PAK5: variants seen among roughly 807,000 people sequenced by gnomAD.
PAK5 encodes the protein p21 (RAC1) activated kinase 5.
Under a neutral mutation model 65.9 loss-of-function variants are expected in PAK5, and 16 were observed. The observed-to-expected ratio is 0.24, with a 90% confidence interval of 0.16 to 0.37. The LOEUF is 0.37. Ranked by LOEUF, PAK5 falls within the 10% of genes least tolerant of loss-of-function variation. PAK5 has a pLI of 1.00. For missense variants in PAK5, 785 were observed against 903.9 expected (o/e 0.87, Z 1.69); for synonymous variants, 371 against 354.9 (o/e 1.05, Z -0.51).
chr20:9,666,283 C>T (rs995056342), intron 2 of PAK5, among the ~76,000 whole-genome samples: 5 of 151,644 alleles, frequency 3.3e-5, no homozygotes, highest in Non-Finnish European at 7.4e-5. Flanking sequence ...ATGATATAGC[C>T]TCCTGACTGC....
chr20:9,767,692 C>A (rs1005369155), intron 1 of PAK5, among the ~76,000 whole-genome samples: 2 of 152,146 alleles, frequency 1.3e-5, no homozygotes, highest in Non-Finnish European at 1.5e-5. Context: ...TCTTCAGTCA[C>A]CCCCTTGCCT....
At chr20:9,822,231 G>A (rs1314179718) in intron 1 of PAK5, among the ~76,000 whole-genome samples, 1 of 148,980 alleles carries the variant, frequency 6.7e-6, no homozygotes, top group Non-Finnish European at 1.5e-5. Context: ...AGAGGTTGCA[G>A]TGAGCTGAGA....
chr20:9,629,269 A>G (rs1302564305), intron 3 of PAK5, among the ~76,000 whole-genome samples: 4 of 152,202 alleles, frequency 2.6e-5, no homozygotes, highest in East Asian at 3.8e-4. Context: ...TGTTATATTT[A>G]TGGTAATTTG....
intron 7 of PAK5, among the ~76,000 whole-genome samples, chr20:9,546,757 C>T (rs1172860923): frequency 6.6e-6 from 1 of 152,142 alleles, no homozygotes; most frequent in African/African-American, 2.4e-5. Context: ...GCAATGAGGG[C>T]ATCCCTAGTA....
chr20:9,815,743 A>T (rs934901697), intron 1 of PAK5, among the ~76,000 whole-genome samples: 1 of 152,124 alleles, frequency 6.6e-6, no homozygotes, highest in Non-Finnish European at 1.5e-5. Flanking sequence ...TCTTCTGCTT[A>T]TTAAAATGGT....
rs115902295 is a variant in PAK5 at position 9,588,092 on chromosome 20, T to C, written c.205-7162A>G. Among the ~76,000 whole-genome samples, 308 of 152,312 alleles carry C rather than the reference T, an allele frequency of 2.0e-3. 2 individuals carry two copies. Among genetic ancestry groups the C allele is most frequent in the African/African-American group, 6.9e-3 (287 of 41,590 alleles). ...GATGACTTCCATTTATTTCACCATT[T>C]TGGTACACCTGCTTCTTTAGCACCA... On this transcript the variant is annotated intron_variant, in intron 3 of 9. Transcript: ENST00000353224.
At chr20:9,631,238 T>C (rs1355334479) in intron 3 of PAK5, among the ~76,000 whole-genome samples, 1 of 152,144 alleles carries the variant, frequency 6.6e-6, no homozygotes, top group Non-Finnish European at 1.5e-5. Flanking sequence ...TCCATGAGTG[T>C]AGGCAGGATC....
intron 1 of PAK5, among the ~76,000 whole-genome samples, chr20:9,786,001 C>T (rs2048989038): frequency 6.6e-6 from 1 of 152,090 alleles, no homozygotes; most frequent in African/African-American, 2.4e-5. Flanking sequence ...TCACGCTTCC[C>T]ATCTGTCCAT....
At chr20:9,773,387 C>A (rs927551211) in intron 1 of PAK5, among the ~76,000 whole-genome samples, 1 of 152,118 alleles carries the variant, frequency 6.6e-6, no homozygotes, top group African/African-American at 2.4e-5. Flanking sequence ...ATCCCTCCCC[C>A]TTCCCCCGAC....
chr20:9,795,623 C>T (rs1056238450), intron 1 of PAK5, among the ~76,000 whole-genome samples: 7 of 152,056 alleles, frequency 4.6e-5, no homozygotes, highest in African/African-American at 1.2e-4. Context: ...AATGAACATA[C>T]GTAATGTTTT....
chr20:9,784,621 G>A (rs140087409), intron 1 of PAK5: 2 of 152,004 alleles, frequency 1.3e-5, no homozygotes, highest in South Asian at 2.1e-4. Context: ...TTCAGTTGGA[G>A]AAGCCAAGTC....
intron 3 of PAK5, among the ~76,000 whole-genome samples, chr20:9,594,713 A>G (rs1443873738): frequency 6.6e-6 from 1 of 152,230 alleles, no homozygotes; most frequent in African/African-American, 2.4e-5. Context: ...AAAGCATTCC[A>G]ACTTGTAACA....
At chr20:9,774,091 T>C (rs2048862168) in intron 1 of PAK5, among the ~76,000 whole-genome samples, 1 of 152,196 alleles carries the variant, frequency 6.6e-6, no homozygotes, top group Non-Finnish European at 1.5e-5. Context: ...AAATGCTTTC[T>C]TACATCGCCA....
At chr20:9,687,914 T>TGTGTGC (rs57866749) in intron 2 of PAK5, among the ~76,000 whole-genome samples, 398 of 148,356 alleles carry the variant, frequency 2.7e-3, no homozygotes, top group African/African-American at 9.5e-3. Context: ...TGTGTGTGTG[T>TGTGTGC]TATGTGTGTG....
intron 1 of PAK5, among the ~76,000 whole-genome samples, chr20:9,764,248 T>A (rs2069050900): frequency 1.3e-5 from 2 of 152,222 alleles, no homozygotes; most frequent in South Asian, 4.1e-4. Context: ...AAGACAGCTC[T>A]AAATTAGGAT....
At chr20:9,764,803 G>T (rs932239687) in intron 1 of PAK5, among the ~76,000 whole-genome samples, 2 of 152,156 alleles carry the variant, frequency 1.3e-5, no homozygotes, top group Non-Finnish European at 2.9e-5. Context: ...CTGGATATAT[G>T]TTAGGGTGGA....
intron 1 of PAK5, among the ~76,000 whole-genome samples, chr20:9,833,204 C>T (rs968661017): frequency 5.9e-5 from 9 of 152,244 alleles, no homozygotes; most frequent in Admixed American, 1.3e-4. Flanking sequence ...ATTTCCATGA[C>T]GTTTTGTCAA....
At chr20:9,787,487 T>C (rs1392499890) in intron 1 of PAK5, among the ~76,000 whole-genome samples, 2 of 152,166 alleles carry the variant, frequency 1.3e-5, no homozygotes, top group African/African-American at 2.4e-5. Flanking sequence ...CCTGGGCTTC[T>C]TATTTTATAT....
At chr20:9,722,562 C>A (rs994675635) in intron 1 of PAK5, among the ~76,000 whole-genome samples, 7 of 151,720 alleles carry the variant, frequency 4.6e-5, no homozygotes, top group Admixed American at 1.3e-4. Context: ...CAGTGAGCCG[C>A]GATCGCGCCA....
Sources: gnomAD v4.1 joint callset for allele counts (sites outside exome capture counted in the v4.1 genomes callset) on GRCh38, gnomAD v4.1.1 for gene constraint, MANE v1.5 for transcripts, NCBI Gene and HGNC (gene_info 2026-07-23, HGNC 2026-07-21) for gene names.